The following SMURF2 variants were observed in gnomAD, a reference collection of about 807,000 sequenced individuals.
The protein encoded by SMURF2 is E3 ubiquitin-protein ligase SMURF2.
Under a neutral mutation model 109.6 loss-of-function variants are expected in SMURF2, and 48 were observed. The ratio of observed to expected loss-of-function variants is 0.44; its 90% CI spans 0.35 to 0.56. The LOEUF (loss-of-function observed/expected upper bound fraction) is 0.56, where lower values mean the gene tolerates loss of function less well. SMURF2 is among the 20% of genes least tolerant of loss of function. The pLI is 0.01. For synonymous variants in SMURF2, 288 were observed against 317.1 expected, an observed-to-expected ratio of 0.91 and a Z score of 0.97; for missense variants, 575 against 909.0, an observed-to-expected ratio of 0.63 and a Z score of 4.72.
At chr17:64,651,858 G>A (rs1202435683) in intron 1 of SMURF2, among the ~76,000 whole-genome samples, 1 of 152,150 alleles carries the variant, frequency 6.6e-6, no homozygotes, top group Non-Finnish European at 1.5e-5. Flanking sequence ...GTTCAAGATC[G>A]CAGTGAGCTC....
intron 1 of SMURF2, 99 bp from the exon 2 acceptor site, chr17:64,606,739 C>T: frequency 3.7e-6 from 3 of 807,862 alleles, no homozygotes; most frequent in Non-Finnish European, 1.9e-6. Flanking sequence ...AATAGTTAAA[C>T]CCTAACTATA....
In SMURF2 at chr17:64,608,323, G is replaced by A. The variant is rs186634848; in HGVS notation, c.53-1683C>T. ...ATAAAAAAACCTTTTGAAAACAGAT[G>A]TCATCACTAAATAAATAAAATTATT... On this transcript the variant is annotated intron_variant, in intron 1 of 18. Coordinates refer to ENST00000262435, the MANE Select transcript of SMURF2 (RefSeq NM_022739.4). Among the ~76,000 whole-genome samples, 41 of 152,124 alleles carry A rather than the reference G, an allele frequency of 2.7e-4. No homozygotes were observed. The East Asian group carries it at 6.2e-3, about 23-fold the overall frequency.
At position 64,557,703 on chromosome 17, in the gene SMURF2, A is replaced by T. The variant is rs782033893; in HGVS notation, c.1336T>A (p.Ser446Thr). The T allele has an allele frequency of 6.2e-7, 1 of 1,608,570 alleles. No homozygotes were observed. The highest frequency in any genetic ancestry group is 8.5e-7 in the Non-Finnish European group (1 of 1,176,086). ...TAGTATGGATTCAACATTTCATGTG[A>T]CAAGAGATACAACCATTCCCTAGAA... ...GVAREWLYLL[S>T]HEMLNPYYGL... Residue 446 changes from serine to threonine, a missense_variant, in exon 13 of 19, where the codon TCA becomes ACA. Coordinates refer to ENST00000262435, the MANE Select transcript of SMURF2 (RefSeq NM_022739.4).
chr17:64,649,000 G>A (rs1365452711), intron 1 of SMURF2, among the ~76,000 whole-genome samples: 1 of 151,988 alleles, frequency 6.6e-6, no homozygotes, highest in Non-Finnish European at 1.5e-5. Flanking sequence ...ACCAATCAGT[G>A]TTTTCTTCTT....
At chr17:64,570,792 C>T (rs932305995) in intron 10 of SMURF2, among the ~76,000 whole-genome samples, 6 of 151,990 alleles carry the variant, frequency 3.9e-5, no homozygotes, top group African/African-American at 1.5e-4. Flanking sequence ...TGTTTGTTTG[C>T]TTTTTAAAGA....
chr17:64,637,848 G>C (rs993524230), intron 1 of SMURF2, among the ~76,000 whole-genome samples: 1 of 148,164 alleles, frequency 6.7e-6, no homozygotes, highest in African/African-American at 2.5e-5. Context: ...ACAGGTGTGA[G>C]CCACAGAACC....
chr17:64,567,374 C>T (rs1969328564), intron 10 of SMURF2, among the ~76,000 whole-genome samples: 2 of 150,582 alleles, frequency 1.3e-5, no homozygotes, highest in South Asian at 4.1e-4. Context: ...CTTCAAGTTA[C>T]TTCCTGTCAT....
At chr17:64,650,193 A>G (rs1408986507) in intron 1 of SMURF2, among the ~76,000 whole-genome samples, 2 of 148,608 alleles carry the variant, frequency 1.3e-5, no homozygotes, top group East Asian at 1.9e-4. Flanking sequence ...GCTAAAATAA[A>G]TAAGACTTGC....
intron 4 of SMURF2, among the ~76,000 whole-genome samples, chr17:64,592,235 G>C (rs1969760190): frequency 6.6e-6 from 1 of 152,194 alleles, no homozygotes; most frequent in Non-Finnish European, 1.5e-5. Context: ...AGCACATTAA[G>C]TCTTCAATAA....
At chr17:64,565,594 G>A (rs1969288992) in intron 10 of SMURF2, among the ~76,000 whole-genome samples, 2 of 151,228 alleles carry the variant, frequency 1.3e-5, no homozygotes, top group Admixed American at 6.6e-5. Context: ...TAGTGTTACT[G>A]GAATCAAAAC....
chr17:64,612,584 G>A (rs1970060154), intron 1 of SMURF2, among the ~76,000 whole-genome samples: 1 of 151,880 alleles, frequency 6.6e-6, no homozygotes, highest in Admixed American at 6.6e-5. Context: ...TGAGGCATGA[G>A]AATCACTTGA....
In SMURF2 at chr17:64,662,050, G is replaced by A. The variant is rs1362881707; in HGVS notation, c.-170C>T. On this transcript the variant is annotated 5_prime_UTR_variant, in exon 1 of 19. Transcript: ENST00000262435. ...GTCGTCGCCATGAGCCGCGGAGGGA[G>A]CGGGACGCCGAGCTCCCCCCTCCTC... 1.8e-6 allele frequency: 2 copies of A among 1,111,762 alleles called. No homozygotes were observed. Among genetic ancestry groups the A allele is most frequent in the Non-Finnish European group, 2.2e-6 (2 of 911,388 alleles). 68.9% of individuals were successfully genotyped at this position (1,111,762 alleles called of 1,614,324 possible).
chr17:64,622,041 C>T (rs1970213138), intron 1 of SMURF2, among the ~76,000 whole-genome samples: 1 of 147,586 alleles, frequency 6.8e-6, no homozygotes, highest in Admixed American at 6.8e-5. Flanking sequence ...GCCTGGGTGG[C>T]AGAGTGAGAC....
intron 1 of SMURF2, among the ~76,000 whole-genome samples, chr17:64,657,444 C>A (rs1459190588): frequency 6.6e-6 from 1 of 151,754 alleles, no homozygotes; most frequent in Non-Finnish European, 1.5e-5. Flanking sequence ...GTAATCCCAG[C>A]ACTTTGGAAG....
At chr17:64,583,910 G>A (rs1038318351) in intron 6 of SMURF2, among the ~76,000 whole-genome samples, 29 of 151,670 alleles carry the variant, frequency 1.9e-4, no homozygotes, top group African/African-American at 6.8e-4. Flanking sequence ...TGATCCACCC[G>A]CCTCGGCCTC....
chr17:64,561,606 GA>G lies in SMURF2; in HGVS notation c.1213-4del, dbSNP rs782659594. The G allele has an allele frequency of 4.4e-6, 7 of 1,604,118 alleles. No individual in the cohort carries two copies. Among genetic ancestry groups the G allele is most frequent in the East Asian group, 4.5e-5 (2 of 44,802 alleles). On this transcript the variant is annotated splice_polypyrimidine_tract_variant and splice_region_variant and intron_variant, in intron 11 of 18. Transcript: ENST00000262435. ...TTCATGACCTGTCGATATGATTCCT[GA>G]AAAAAATAATTTTTAATACCCTATT...
In SMURF2 at chr17:64,586,650, C is replaced by G. The variant is rs1279577781; in HGVS notation, c.401-480G>C. The stretch of plus-strand genomic sequence containing the variant: ...CCTGTAGTCCCAGCTTCTCGGGAGG[C>G]TGAGGCAGGAGAATCGCTTGAACCT... On this transcript the variant is annotated intron_variant, in intron 5 of 18. Coordinates refer to ENST00000262435, the MANE Select transcript of SMURF2 (RefSeq NM_022739.4). Among the ~76,000 whole-genome samples, 11 of 147,962 alleles carry G rather than the reference C, an allele frequency of 7.4e-5. 1 individual carries two copies. Among genetic ancestry groups the G allele is most frequent in the Admixed American group, 5.5e-4 (8 of 14,440 alleles).
chr17:64,641,443 A>T (rs1007815191), intron 1 of SMURF2, among the ~76,000 whole-genome samples: 9 of 152,214 alleles, frequency 5.9e-5, no homozygotes, highest in African/African-American at 2.2e-4. Flanking sequence ...AACTTCTTCT[A>T]TCAAGATATG....
At chr17:64,567,973 C>T (rs1969338584) in intron 10 of SMURF2, among the ~76,000 whole-genome samples, 2 of 151,962 alleles carry the variant, frequency 1.3e-5, no homozygotes, top group Admixed American at 1.3e-4. Flanking sequence ...CCTGCCTCAG[C>T]CTCCCGAGTA....
Sources: gnomAD v4.1 joint callset for allele counts (sites outside exome capture counted in the v4.1 genomes callset) on GRCh38, gnomAD v4.1.1 for gene constraint, MANE v1.5 for transcripts, NCBI Gene and HGNC (gene_info 2026-07-23, HGNC 2026-07-21) for gene names.